MAGI2: variants seen among roughly 807,000 people sequenced by gnomAD.
The protein encoded by MAGI2 is membrane associated guanylate kinase, WW and PDZ domain containing 2.
A neutral mutation model predicts 133.3 loss-of-function variants in MAGI2; 35 were observed. The observed-to-expected ratio is 0.26, with a 90% CI of 0.20 to 0.35. The LOEUF is 0.35. MAGI2 is among the 10% of genes least tolerant of loss of function. The probability of loss-of-function intolerance (pLI) is 1.00; values close to 1 mark genes in which losing one functional copy is unlikely to be tolerated. For synonymous variants in MAGI2, 729 were observed against 710.6 expected, an observed-to-expected ratio of 1.03 and a Z score of -0.41; for missense variants, 1,636 against 1,863.4, an observed-to-expected ratio of 0.88 and a Z score of 2.25.
chr7:78,456,478 T>C (rs1373998297), intron 6 of MAGI2, among the ~76,000 whole-genome samples: 1 of 152,198 alleles, frequency 6.6e-6, no homozygotes, highest in African/African-American at 2.4e-5. Context: ...GCACATACTC[T>C]AGGCTAAGCA....
rs10236805 is a variant in MAGI2 at position 78,695,538 on chromosome 7, T to C, written c.419-68299A>G. 8.4e-3 allele frequency among the ~76,000 whole-genome samples: 1,279 copies of C among 152,284 alleles called. 18 individuals carry two copies. The highest frequency in any genetic ancestry group is 0.029 in the African/African-American group (1,214 of 41,562). Reference sequence around the variant, plus strand: ...GGCTAAAGAGTCTCAGTTCTTTCAATGTAGTCATATTTTGGGGTTTCTAGA... The same window carrying C: ...GGCTAAAGAGTCTCAGTTCTTTCAACGTAGTCATATTTTGGGGTTTCTAGA... On this transcript the variant is annotated intron_variant, in intron 2 of 21. Coordinates refer to ENST00000354212, the MANE Select transcript of MAGI2 (RefSeq NM_012301.4).
intron 10 of MAGI2, chr7:78,255,647 G>A (rs928266291): frequency 1.8e-6 from 1 of 561,232 alleles, no homozygotes; most frequent in Admixed American, 3.6e-5. Flanking sequence ...ATGAATTTTT[G>A]AAACAAAATA....
At chr7:79,446,800 C>T (rs1848882430) in intron 1 of MAGI2, among the ~76,000 whole-genome samples, 1 of 151,892 alleles carries the variant, frequency 6.6e-6, no homozygotes, top group South Asian at 2.1e-4. Flanking sequence ...AATACAAAAA[C>T]ATTAACCGGG....
chr7:79,400,499 T>C (rs567034757), intron 1 of MAGI2, among the ~76,000 whole-genome samples: 16 of 152,248 alleles, frequency 1.1e-4, no homozygotes, highest in African/African-American at 2.6e-4. Context: ...CTCCAAGGAA[T>C]AGATGTACAG....
At chr7:78,102,144 C>A (rs752820868) in intron 20 of MAGI2, among the ~76,000 whole-genome samples, 4 of 151,986 alleles carry the variant, frequency 2.6e-5, no homozygotes, top group Admixed American at 1.3e-4. Context: ...ATATGTGGAA[C>A]CTTAAAAAGT....
At chr7:79,093,714 CT>C (rs369075503) in intron 1 of MAGI2, among the ~76,000 whole-genome samples, 65,084 of 113,276 alleles carry the variant, frequency 0.57, 21,756 homozygotes, top group Non-Finnish European at 0.77. Context: ...CTTTTCTTTT[CT>C]TTTTTTTTTT....
chr7:79,240,639 G>C (rs1832321900), intron 1 of MAGI2, among the ~76,000 whole-genome samples: 1 of 151,988 alleles, frequency 6.6e-6, no homozygotes, highest in Non-Finnish European at 1.5e-5. Flanking sequence ...TACAATTTTT[G>C]TCTCCTTCCA....
At chr7:78,192,724 G>A (rs1278167973) in intron 12 of MAGI2, among the ~76,000 whole-genome samples, 1 of 152,114 alleles carries the variant, frequency 6.6e-6, no homozygotes, top group East Asian at 1.9e-4. Context: ...GAAAAGAGAA[G>A]GATAGGAAAG....
chr7:78,656,413 A>AAG (rs1812280989), intron 2 of MAGI2, among the ~76,000 whole-genome samples: 1 of 152,230 alleles, frequency 6.6e-6, no homozygotes, highest in Non-Finnish European at 1.5e-5. Context: ...GGAGGACATT[A>AAG]TGCTAAGTGA....
chr7:78,710,906 A>T (rs1819120240), intron 2 of MAGI2, among the ~76,000 whole-genome samples: 1 of 152,198 alleles, frequency 6.6e-6, no homozygotes, highest in Non-Finnish European at 1.5e-5. Flanking sequence ...CTTACCATCT[A>T]GAAAATACTT....
intron 3 of MAGI2, among the ~76,000 whole-genome samples, chr7:78,582,360 C>G (rs1802922459): frequency 6.6e-6 from 1 of 152,132 alleles, no homozygotes; most frequent in Admixed American, 6.5e-5. Context: ...CCTCACTGAA[C>G]AGAAAGTCAC....
intron 1 of MAGI2, among the ~76,000 whole-genome samples, chr7:79,359,429 A>T (rs1433267300): frequency 3.3e-5 from 5 of 152,202 alleles, no homozygotes; most frequent in East Asian, 3.9e-4. Context: ...TAAATATTTT[A>T]AAAAATAATG....
intron 1 of MAGI2, among the ~76,000 whole-genome samples, chr7:79,234,593 T>C: frequency 6.6e-6 from 1 of 152,162 alleles, no homozygotes; most frequent in East Asian, 1.9e-4. Flanking sequence ...CATCGGCTCC[T>C]GAGGCTTCTG....
At chr7:78,262,439 G>A (rs1002442812) in intron 9 of MAGI2, among the ~76,000 whole-genome samples, 5 of 151,864 alleles carry the variant, frequency 3.3e-5, no homozygotes, top group African/African-American at 9.7e-5. Context: ...TATCTGCTTC[G>A]CTGTCAACTC....
At position 79,327,096 on chromosome 7, in the gene MAGI2, T is replaced by G. The variant is rs550473973; in HGVS notation, c.301+125924A>C. On this transcript the variant is annotated intron_variant, in intron 1 of 21. Coordinates refer to ENST00000354212, the MANE Select transcript of MAGI2 (RefSeq NM_012301.4). ...GACTCTGGAGCCATACTTGGTGGGT[T>G]TGAATCCTGCTTTCAACTCTTCTCA... 4.6e-5 allele frequency among the ~76,000 whole-genome samples: 7 copies of G among 152,288 alleles called. No homozygotes were observed. In the East Asian group the frequency reaches 1.4e-3, roughly 30 times the overall value.
intron 10 of MAGI2, among the ~76,000 whole-genome samples, chr7:78,241,828 G>A (rs1312832992): frequency 6.6e-6 from 1 of 151,916 alleles, no homozygotes; most frequent in Non-Finnish European, 1.5e-5. Flanking sequence ...CAGCTTCTCG[G>A]GAGGCTGAGG....
chr7:78,927,319 A>T (rs1423225830), intron 2 of MAGI2, among the ~76,000 whole-genome samples: 28 of 152,048 alleles, frequency 1.8e-4, no homozygotes, highest in Non-Finnish European at 1.5e-5. Context: ...AACCTAGATA[A>T]CCTCTAATTT....
chr7:78,385,365 T>A (rs1184446144), intron 6 of MAGI2, among the ~76,000 whole-genome samples: 2 of 152,154 alleles, frequency 1.3e-5, no homozygotes, highest in Non-Finnish European at 2.9e-5. Flanking sequence ...CAGGTGGAGA[T>A]AATATATAAT....
chr7:79,297,913 C>A lies in MAGI2; in HGVS notation c.301+155107G>T, dbSNP rs1488610803. ...AGTTAATATTTGCAACAGATATTCC[C>A]TGCTACATTCCTAGTCAAAATTTAA... On this transcript the variant is annotated intron_variant, in intron 1 of 21. Transcript: ENST00000354212. 2.0e-5 allele frequency among the ~76,000 whole-genome samples: 3 copies of A among 152,180 alleles called. No individual in the cohort carries two copies. The East Asian group carries it at 5.8e-4, about 29-fold the overall frequency.
Sources: allele counts gnomAD v4.1 joint callset (sites outside exome capture counted in the v4.1 genomes callset), GRCh38; gene constraint gnomAD v4.1.1; transcripts MANE v1.5; gene names NCBI Gene and HGNC (gene_info 2026-07-23, HGNC 2026-07-21).